SATB2: variants seen among roughly 807,000 people sequenced by gnomAD.
SATB2 encodes SATB homeobox 2, also known as DNA-binding protein SATB2.
In SATB2, 1 loss-of-function variant was observed where a neutral mutation model predicts 73.4. That is an observed-to-expected ratio of 0.01 (90% confidence interval 0.00 to 0.06). The LOEUF (loss-of-function observed/expected upper bound fraction) is 0.06. SATB2 is among the 10% of genes least tolerant of loss of function. SATB2 has a pLI of 1.00. For missense variants in SATB2, 459 were observed against 945.8 expected (o/e 0.49, Z 6.75); for synonymous variants, 397 against 367.0 (o/e 1.08, Z -0.93).
At chr2:199,294,237 T>C (rs796385801) in intron 10 of SATB2, among the ~76,000 whole-genome samples, 6 of 152,316 alleles carry the variant, frequency 3.9e-5, no homozygotes, top group African/African-American at 1.4e-4. Context: ...ACTACTCTGC[T>C]TCATATATAC....
chr2:199,465,048 A>G (rs1251820612), exon 1 of SATB2: 1 of 152,090 alleles, frequency 6.6e-6, no homozygotes, highest in Non-Finnish European at 1.5e-5. Context: ...AAGCCTAGTA[A>G]TTGGGTTTGT....
chr2:199,341,251 G>A (rs1688497553), intron 7 of SATB2, among the ~76,000 whole-genome samples: 1 of 152,186 alleles, frequency 6.6e-6, no homozygotes. Flanking sequence ...GGCCTAGTAA[G>A]TCAAACTATG....
intron 5 of SATB2, 23 bp from the exon 6 acceptor site, chr2:199,368,730 T>C (rs1477582290): frequency 7.0e-7 from 1 of 1,419,476 alleles, no homozygotes. Context: ...ATTATAGTTA[T>C]TTTTTCAAAA....
intron 2 of SATB2, among the ~76,000 whole-genome samples, chr2:199,451,774 T>C (rs1173783972): frequency 6.6e-6 from 1 of 152,120 alleles, no homozygotes; most frequent in Non-Finnish European, 1.5e-5. Context: ...TAGACAATGT[T>C]CAGCTTTAAA....
intron 5 of SATB2, among the ~76,000 whole-genome samples, chr2:199,375,935 A>C (rs1315031826): frequency 6.6e-6 from 1 of 152,218 alleles, no homozygotes; most frequent in Non-Finnish European, 1.5e-5. Context: ...CTTAGAACAA[A>C]AATGCATTCT....
intron 2 of SATB2, among the ~76,000 whole-genome samples, chr2:199,441,090 G>A (rs577403474): frequency 4.6e-5 from 7 of 151,946 alleles, no homozygotes; most frequent in Admixed American, 4.6e-4. Context: ...CAGGTGATCC[G>A]CCTGCCTCGA....
Position 199,269,596 on chromosome 2 carries a change from A to C in SATB2, c.*2615T>G, listed in dbSNP as rs912520503. ...AATTAATTATCACTTAGTGATAACA[A>C]AGATAGTTGATTTACATGGAAAAAA... On this transcript the variant is annotated 3_prime_UTR_variant, in exon 11 of 11. Transcript: ENST00000417098. 1 of 152,710 alleles carries C rather than the reference A, an allele frequency of 6.5e-6. No homozygotes were observed. Among genetic ancestry groups the C allele is most frequent in the African/African-American group, 2.4e-5 (1 of 41,428 alleles). The allele number at this position is 152,710 out of a possible 1,614,324, so 9.5% of individuals were successfully genotyped here. A position where few individuals can be genotyped will look rare whatever the true frequency, so the allele number is the denominator to read the frequency against.
chr2:199,383,908 G>T (rs1340874374), intron 3 of SATB2, among the ~76,000 whole-genome samples: 5 of 152,234 alleles, frequency 3.3e-5, no homozygotes, highest in African/African-American at 9.6e-5. Context: ...CAGAGGGACA[G>T]AAAGGGGCAT....
intron 7 of SATB2, among the ~76,000 whole-genome samples, chr2:199,330,705 C>G (rs902403356): frequency 6.6e-6 from 1 of 152,116 alleles, no homozygotes; most frequent in African/African-American, 2.4e-5. Context: ...ACTAAGCAAC[C>G]TGAAATATTC....
At chr2:199,394,982 T>C (rs1690255435) in intron 3 of SATB2, among the ~76,000 whole-genome samples, 1 of 152,218 alleles carries the variant, frequency 6.6e-6, no homozygotes, top group Non-Finnish European at 1.5e-5. Context: ...CATGTTGTTT[T>C]ATTTTGTTTT....
chr2:199,308,719 G>C lies in SATB2; in HGVS notation c.1740+41C>G, dbSNP rs1687508639. 3.8e-6 allele frequency: 6 copies of C among 1,567,252 alleles called. No homozygotes were observed. The highest frequency in any genetic ancestry group is 1.7e-5 in the Admixed American group (1 of 59,868). On this transcript the variant is annotated intron_variant, in intron 10 of 10. Coordinates refer to ENST00000417098, the MANE Select transcript of SATB2 (RefSeq NM_001172509.2). The surrounding 1 kb of genome is among the most constrained non-coding windows in gnomAD (Gnocchi z 4.6). ...CCTCAGCAGCTACTGCTGGCACACA[G>C]AGCCCTGATCAGGTGGGGTACGGCG...
chr2:199,283,536 CAA>C (rs1401521647), intron 10 of SATB2, among the ~76,000 whole-genome samples: 2 of 148,958 alleles, frequency 1.3e-5, no homozygotes, highest in African/African-American at 4.9e-5. Flanking sequence ...CAAATTTCAG[CAA>C]AGTCAAAAAG....
chr2:199,329,521 A>G (rs1235640293), intron 7 of SATB2, among the ~76,000 whole-genome samples: 1 of 151,852 alleles, frequency 6.6e-6, no homozygotes, highest in Non-Finnish European at 1.5e-5. Context: ...TTATCCTTAC[A>G]TATGTACAAA....
intron 3 of SATB2, among the ~76,000 whole-genome samples, chr2:199,423,145 G>A (rs1480870797): frequency 6.6e-6 from 1 of 152,026 alleles, no homozygotes; most frequent in Non-Finnish European, 1.5e-5. Context: ...GAGAGAAGAG[G>A]ATCAAAATAA....
In SATB2 at chr2:199,349,039, T is replaced by A. The variant is rs758064649; in HGVS notation, c.835A>T (p.Ser279Cys). Reference protein sequence around the residue: ...EQSPHSQIHHSTPIRNQVPAL... With the variant: ...EQSPHSQIHHCTPIRNQVPAL... Reference sequence around the variant, plus strand: ...GGCACTTGGTTTCGGATTGGAGTACTGTGGTGAATTTGGCTGTGAGGAGAC... The same window carrying A: ...GGCACTTGGTTTCGGATTGGAGTACAGTGGTGAATTTGGCTGTGAGGAGAC... The change falls in exon 7 of 11, where the codon AGT becomes TGT. Residue 279 changes from serine to cysteine, a missense_variant. Physicochemically the swap from Ser to Cys is moderately radical, Grantham distance 112 (BLOSUM62 -1). Coordinates refer to ENST00000417098, the MANE Select transcript of SATB2 (RefSeq NM_001172509.2). 6.2e-7 allele frequency: 1 copy of A among 1,614,130 alleles called. No individual in the cohort carries two copies. Among genetic ancestry groups the A allele is most frequent in the Non-Finnish European group, 8.5e-7 (1 of 1,179,984 alleles).
At chr2:199,297,459 G>T (rs1290688194) in intron 10 of SATB2, among the ~76,000 whole-genome samples, 1 of 152,156 alleles carries the variant, frequency 6.6e-6, no homozygotes, top group Non-Finnish European at 1.5e-5. Flanking sequence ...CAGCACAGAG[G>T]TTCCACTGAA....
intron 9 of SATB2, among the ~76,000 whole-genome samples, chr2:199,313,037 C>A (rs2105775272): frequency 6.6e-6 from 1 of 152,208 alleles, no homozygotes. Context: ...AGAAAATAGA[C>A]ATTAGTAGAA....
chr2:199,447,411 A>G (rs575615051), intron 2 of SATB2, among the ~76,000 whole-genome samples: 1 of 152,308 alleles, frequency 6.6e-6, no homozygotes, highest in African/African-American at 2.4e-5. Flanking sequence ...CTGAGAAGAA[A>G]TGAGGGTGCT....
chr2:199,430,744 C>T (rs567410974), intron 3 of SATB2, among the ~76,000 whole-genome samples: 5 of 152,268 alleles, frequency 3.3e-5, no homozygotes, highest in East Asian at 1.9e-4. Flanking sequence ...AACTGACTAT[C>T]CTATGTTCAC....
Sources: allele counts gnomAD v4.1 joint callset (sites outside exome capture counted in the v4.1 genomes callset), GRCh38; gene constraint gnomAD v4.1.1; non-coding constraint Gnocchi (gnomAD v3.1); transcripts MANE v1.5; gene names NCBI Gene and HGNC (gene_info 2026-07-23, HGNC 2026-07-21).